The following GALM variants were observed in gnomAD, a reference collection of about 807,000 sequenced individuals.
GALM encodes galactose mutarotase.
In GALM, 43 loss-of-function variants were observed where a neutral mutation model predicts 37.4. That is an observed-to-expected ratio of 1.15 (90% CI 0.90 to 1.48). GALM has a LOEUF of 1.48. Ranked by LOEUF, GALM falls within the 40% of genes most tolerant of loss-of-function variation. The probability of loss-of-function intolerance (pLI) is 0.00; values close to 1 mark genes in which losing one functional copy is unlikely to be tolerated. For synonymous variants in GALM, 199 were observed against 170.6 expected (o/e 1.17, Z -1.30); for missense variants, 456 against 419.1 (o/e 1.09, Z -0.77).
intron 2 of GALM, among the ~76,000 whole-genome samples, chr2:38,680,633 G>A (rs1665372303): frequency 6.6e-6 from 1 of 151,782 alleles, no homozygotes; most frequent in Non-Finnish European, 1.5e-5. Flanking sequence ...TAGGAGACAG[G>A]GGCTGATTTA....
At chr2:38,729,267 A>G (rs1416714609) in intron 4 of GALM, among the ~76,000 whole-genome samples, 1 of 151,922 alleles carries the variant, frequency 6.6e-6, no homozygotes, top group Non-Finnish European at 1.5e-5. Flanking sequence ...GGTTCACTGT[A>G]GCCTCGACCT....
intron 4 of GALM, among the ~76,000 whole-genome samples, chr2:38,715,234 C>T (rs1666245572): frequency 6.6e-6 from 1 of 152,188 alleles, no homozygotes; most frequent in Non-Finnish European, 1.5e-5. Flanking sequence ...CATCCCTTCA[C>T]TTTCAGTCTA....
chr2:38,720,231 T>C (rs189508483), intron 4 of GALM, among the ~76,000 whole-genome samples: 40 of 151,966 alleles, frequency 2.6e-4, no homozygotes, highest in East Asian at 2.5e-3. Flanking sequence ...AAACAAATTT[T>C]TATTGTTTTA....
intron 4 of GALM, among the ~76,000 whole-genome samples, chr2:38,716,976 C>T: frequency 6.6e-6 from 1 of 152,208 alleles, no homozygotes; most frequent in East Asian, 1.9e-4. Flanking sequence ...TGGGGCCGGG[C>T]ACAGTGGCTC....
At chr2:38,713,334 G>A (rs114152099) in intron 4 of GALM, among the ~76,000 whole-genome samples, 1 of 152,154 alleles carries the variant, frequency 6.6e-6, no homozygotes, top group Non-Finnish European at 1.5e-5. Context: ...AGTGGCCATT[G>A]GCTGACTGAT....
chr2:38,676,292 C>T (rs1284925421), intron 2 of GALM, among the ~76,000 whole-genome samples: 1 of 152,106 alleles, frequency 6.6e-6, no homozygotes, highest in South Asian at 2.1e-4. Flanking sequence ...GGATGTCAAC[C>T]TTTGACTTAG....
At chr2:38,679,047 C>T (rs531742744) in intron 2 of GALM, among the ~76,000 whole-genome samples, 138 of 152,250 alleles carry the variant, frequency 9.1e-4, no homozygotes, top group African/African-American at 3.0e-3. Context: ...AGTGCAGTGG[C>T]GCAATCTTGG....
chr2:38,695,414 A>G (rs941602397), intron 4 of GALM, among the ~76,000 whole-genome samples: 2 of 152,266 alleles, frequency 1.3e-5, no homozygotes. Flanking sequence ...TATCTGGAGC[A>G]GTCCCTTATG....
At chr2:38,729,404 G>A (rs1666552955) in intron 4 of GALM, 152 bp from the exon 5 acceptor site, 2 of 443,112 alleles carry the variant, frequency 4.5e-6, no homozygotes, top group East Asian at 4.0e-5. Flanking sequence ...TAGAGATGGG[G>A]TCTCTGCATG....
chr2:38,726,250 G>T (rs1339727618), intron 4 of GALM, among the ~76,000 whole-genome samples: 1 of 144,680 alleles, frequency 6.9e-6, no homozygotes, highest in Non-Finnish European at 1.5e-5. Flanking sequence ...TTTTTGAGAC[G>T]GAGTCTCGCT....
Position 38,686,231 on chromosome 2 carries a change from T to TC in GALM, c.553-3581dup, listed in dbSNP as rs201438260. On this transcript the variant is annotated intron_variant, in intron 3 of 6. Coordinates refer to ENST00000272252, the MANE Select transcript of GALM (RefSeq NM_138801.3). Reference sequence around the variant, plus strand: ...CACAGAAAGTGGAAATTTCTTTCTTTCTTTCTTTCTTTCTTTCTTTCTTTC... The same window carrying TC: ...CACAGAAAGTGGAAATTTCTTTCTTTCCTTTCTTTCTTTCTTTCTTTCTTTC... Among the ~76,000 whole-genome samples the TC allele has an allele frequency of 7.9e-4, 26 of 32,910 alleles. 2 individuals carry two copies. The East Asian group carries it at 0.016, about 21-fold the overall frequency. The allele number at this position is 32,910 out of a possible 152,430, so 21.6% of individuals were successfully genotyped here.
At chr2:38,726,238 T>A (rs1006429144) in intron 4 of GALM, among the ~76,000 whole-genome samples, 13 of 131,766 alleles carry the variant, frequency 9.9e-5, no homozygotes, top group South Asian at 9.7e-4. Flanking sequence ...TTATTTTTTT[T>A]TTTTTTGAGA....
rs898101622 is a variant in GALM, at chr2:38,712,560, T to A, written c.635-16996T>A. ...TGCAAGGAACAAATAGAAAGCAGGG[T>A]CTGCAGAACACACATCCCAGAGGCG... is the stretch of plus-strand genomic sequence containing the variant. On this transcript the variant is annotated intron_variant, in intron 4 of 6. Coordinates refer to ENST00000272252, the MANE Select transcript of GALM (RefSeq NM_138801.3). Among the ~76,000 whole-genome samples, 5 of 152,088 alleles carry A rather than the reference T, an allele frequency of 3.3e-5. No homozygotes were observed. The South Asian group carries it at 8.3e-4, about 25-fold the overall frequency.
At chr2:38,727,556 G>A (rs1213358049) in intron 4 of GALM, among the ~76,000 whole-genome samples, 4 of 151,644 alleles carry the variant, frequency 2.6e-5, no homozygotes, top group South Asian at 2.1e-4. Flanking sequence ...GTGAAACCCC[G>A]TCTCTACTAA....
chr2:38,712,009 C>T (rs1217445196), intron 4 of GALM, among the ~76,000 whole-genome samples: 1 of 152,008 alleles, frequency 6.6e-6, no homozygotes, highest in Non-Finnish European at 1.5e-5. Flanking sequence ...TGTTTTGTGC[C>T]CAGGGTAACA....
intron 4 of GALM, among the ~76,000 whole-genome samples, chr2:38,690,382 CT>C: frequency 6.6e-6 from 1 of 151,974 alleles, no homozygotes; most frequent in Non-Finnish European, 1.5e-5. Context: ...AATAACTTTA[CT>C]GGATACTCAT....
At chr2:38,675,852 A>G in intron 1 of GALM, 60 bp from the exon 2 acceptor site, 9 of 1,538,804 alleles carry the variant, frequency 5.8e-6, no homozygotes, top group South Asian at 1.1e-5. Flanking sequence ...TACAGGTGTG[A>G]GCCACCGTGC....
At chr2:38,679,177 A>G (rs1665333311) in intron 2 of GALM, among the ~76,000 whole-genome samples, 2 of 152,028 alleles carry the variant, frequency 1.3e-5, no homozygotes, top group Admixed American at 1.3e-4. Context: ...AGTAGAGACG[A>G]AGTTTCACCA....
chr2:38,722,744 C>A (rs1448195165), intron 4 of GALM, among the ~76,000 whole-genome samples: 1 of 152,170 alleles, frequency 6.6e-6, no homozygotes, highest in Non-Finnish European at 1.5e-5. Flanking sequence ...TAAACCAAGG[C>A]TAGAAAAACT....
Sources: gnomAD v4.1 joint callset for allele counts (sites outside exome capture counted in the v4.1 genomes callset) on GRCh38, gnomAD v4.1.1 for gene constraint, MANE v1.5 for transcripts, NCBI Gene and HGNC (gene_info 2026-07-23, HGNC 2026-07-21) for gene names.